The following PIK3R4 variants were observed in gnomAD, a reference collection of about 807,000 sequenced individuals.
PIK3R4 encodes the protein phosphoinositide 3-kinase regulatory subunit 4.
PIK3R4 carries 46 observed loss-of-function variants against 136.5 expected under a neutral mutation model. The ratio of observed to expected loss-of-function variants is 0.34; its 90% CI spans 0.27 to 0.43. PIK3R4 has a LOEUF of 0.43. Among genes scored for constraint, PIK3R4 ranks in the 20% least tolerant of loss-of-function variants. The pLI, the probability that PIK3R4 is intolerant of heterozygous loss-of-function variation, is 1.00. For synonymous variants in PIK3R4, 557 were observed against 566.7 expected (o/e 0.98, Z 0.24); for missense variants, 1,331 against 1,649.5 (o/e 0.81, Z 3.35).
At chr3:130,716,288 T>G in intron 9 of PIK3R4, 108 bp downstream of exon 9, 1 of 836,584 alleles carries the variant, frequency 1.2e-6, no homozygotes, top group Non-Finnish European at 1.9e-6. Flanking sequence ...TTACTCATTT[T>G]TATGATGTAA....
At position 130,712,380 on chromosome 3, in the gene PIK3R4, A is replaced by C. The variant is rs973561982; in HGVS notation, c.2332-3888T>G. On this transcript the variant is annotated intron_variant, in intron 9 of 19. Coordinates refer to ENST00000356763, the MANE Select transcript of PIK3R4 (RefSeq NM_014602.3). ...GCTCTGTAGCCCTGACATTAGAAACAAGGACTCGCCGGGCGAGGTGGCTCA... is the reference window on the plus strand; with the variant it reads ...GCTCTGTAGCCCTGACATTAGAAACCAGGACTCGCCGGGCGAGGTGGCTCA... Among the ~76,000 whole-genome samples, 3 of 152,062 alleles carry C rather than the reference A, an allele frequency of 2.0e-5. No homozygotes were observed. In the South Asian group the frequency reaches 6.2e-4, roughly 32 times the overall value.
intron 2 of PIK3R4, among the ~76,000 whole-genome samples, chr3:130,736,663 C>CT (rs1045150168): frequency 9.3e-5 from 14 of 150,920 alleles, no homozygotes; most frequent in Non-Finnish European, 2.1e-4. Context: ...AAACAAGAAA[C>CT]TTTTTTTTTC....
At chr3:130,691,072 T>A (rs559783018) in intron 13 of PIK3R4, among the ~76,000 whole-genome samples, 2 of 152,160 alleles carry the variant, frequency 1.3e-5, no homozygotes, top group East Asian at 3.9e-4. Context: ...CCTGGCTAAT[T>A]TTTTGTAGAG....
chr3:130,708,404 T>C lies in PIK3R4; in HGVS notation c.2420A>G (p.Gln807Arg). ...CTGACTACTATCATGAAGATGGCTC[T>C]GGTCCACTATATTGGCCTTTGCTTT... ...SNKAKANIVD[Q>R]SHLHDSSQKG... Residue 807 changes from glutamine (Q) to arginine (R), a missense_variant, in exon 10 of 20, where the codon CAG (glutamine) becomes CGG (arginine). Around this residue, in one of 2 missense-constraint regions of PIK3R4, gnomAD observed 1,180 missense variants for 1,407.0 expected, o/e 0.84. Coordinates refer to ENST00000356763, the MANE Select transcript of PIK3R4 (RefSeq NM_014602.3). The C allele has an allele frequency of 6.2e-7, 1 of 1,613,832 alleles. No homozygotes were observed. The highest frequency in any genetic ancestry group is 8.5e-7 in the Non-Finnish European group (1 of 1,179,754).
At position 130,716,405 on chromosome 3, in the gene PIK3R4, C is replaced by G; in HGVS notation, c.2322G>C (p.Leu774Phe). The change falls in exon 9 of 20, where the codon TTG becomes TTC. Residue 774 changes from leucine (L) to phenylalanine (F), a missense_variant. This residue lies in a region of PIK3R4 where 1,180 missense variants were observed against 1,407.0 expected (regional missense o/e 0.84). Coordinates refer to ENST00000356763, the MANE Select transcript of PIK3R4 (RefSeq NM_014602.3). ...DPAIAQLLKK[L>F]LSQGMTEEEE... ...GGAAGGGTGATACAACCTGTGAGAG[C>G]AACTTCTTCAGAAGCTGTGCTATGG... The G allele has an allele frequency of 6.2e-7, 1 of 1,613,834 alleles. No individual in the cohort carries two copies. The highest frequency in any genetic ancestry group is 1.3e-5 in the African/African-American group (1 of 75,060).
At chr3:130,714,293 T>C (rs1157692842) in intron 9 of PIK3R4, among the ~76,000 whole-genome samples, 1 of 152,226 alleles carries the variant, frequency 6.6e-6, no homozygotes, top group Non-Finnish European at 1.5e-5. Flanking sequence ...AGAGCATATA[T>C]TCAGCGACTG....
rs767261412 is a variant in PIK3R4, at chr3:130,744,556, C to T, written c.663G>A (p.Pro221=). The change falls in exon 2 of 20, where the codon CCG becomes CCA. Residue 221 remains proline, a synonymous_variant. Transcript: ENST00000356763. ...TCTGATTGCTATTTAAGTCTACAAG[C>T]GGAGTTGAAGGATCTCTCATATATT... The part of the protein sequence containing the change: ...ELEYMRDPST[P]LVDLNSNQRT... 1.7e-5 allele frequency: 27 copies of T among 1,614,036 alleles called. No homozygotes were observed. The East Asian group carries it at 1.8e-4, about 11-fold the overall frequency.
At chr3:130,685,875 T>G (rs1473745791) in intron 15 of PIK3R4, among the ~76,000 whole-genome samples, 1 of 152,066 alleles carries the variant, frequency 6.6e-6, no homozygotes, top group African/African-American at 2.4e-5. Context: ...CTGCCCAAAC[T>G]TGGATGCTAT....
At chr3:130,723,900 C>T (rs950934060) in intron 6 of PIK3R4, 1 of 202,798 alleles carries the variant, frequency 4.9e-6, no homozygotes, top group Non-Finnish European at 9.8e-6. Flanking sequence ...GAAGACAAGA[C>T]ATAGGCAAGC....
At chr3:130,727,262 C>T (rs1213913290) in intron 6 of PIK3R4, among the ~76,000 whole-genome samples, 1 of 151,930 alleles carries the variant, frequency 6.6e-6, no homozygotes, top group East Asian at 1.9e-4. Context: ...GCTCTTTCAC[C>T]CAGGCCTGAC....
rs2066664938 is a variant in PIK3R4 at position 130,716,429 on chromosome 3, G to A, written c.2298C>T (p.Ala766=). 1 of 1,614,074 alleles carries A rather than the reference G, an allele frequency of 6.2e-7. No homozygotes were observed. Among genetic ancestry groups the A allele is most frequent in the Non-Finnish European group, 8.5e-7 (1 of 1,180,020 alleles). The change falls in exon 9 of 20, where the codon GCC becomes GCT. Residue 766 remains alanine, a synonymous_variant. Coordinates refer to ENST00000356763, the MANE Select transcript of PIK3R4 (RefSeq NM_014602.3). ...LPDCPPPEDP[A]IAQLLKKLLS... Reference sequence around the variant, plus strand: ...GCAACTTCTTCAGAAGCTGTGCTATGGCAGGATCCTCTGGCGGAGGGCAGT... The same window carrying A: ...GCAACTTCTTCAGAAGCTGTGCTATAGCAGGATCCTCTGGCGGAGGGCAGT...
chr3:130,731,319 T>C (rs1045024011), intron 4 of PIK3R4, among the ~76,000 whole-genome samples: 1 of 152,206 alleles, frequency 6.6e-6, no homozygotes, highest in African/African-American at 2.4e-5. Flanking sequence ...TTTTCCTTGC[T>C]TTCCAACATC....
intron 13 of PIK3R4, 92 bp from the exon 14 acceptor site, chr3:130,690,746 T>C (rs1322148295): frequency 7.1e-6 from 5 of 708,908 alleles, no homozygotes; most frequent in Admixed American, 5.6e-5. Context: ...AATTATTACT[T>C]TGGGGTCCAT....
chr3:130,711,180 T>G (rs1438960178), intron 9 of PIK3R4, among the ~76,000 whole-genome samples: 1 of 151,970 alleles, frequency 6.6e-6, no homozygotes, highest in Non-Finnish European at 1.5e-5. Flanking sequence ...AGTTTTACCC[T>G]TCCACTTTAA....
chr3:130,716,495 A>G lies in PIK3R4; in HGVS notation c.2232T>C (p.His744=). The G allele has an allele frequency of 6.2e-7, 1 of 1,614,042 alleles. No homozygotes were observed. Among genetic ancestry groups the G allele is most frequent in the East Asian group, 2.2e-5 (1 of 44,878 alleles). ...RSKDITSLFR[H]LHMRQKKRNG... is the part of the protein sequence containing the mutation. Reference sequence around the variant, plus strand: ...TTCGTTTCTTCTGACGCATGTGAAGATGTCTGAACAAGCTAGTAATATCTT... The same window carrying G: ...TTCGTTTCTTCTGACGCATGTGAAGGTGTCTGAACAAGCTAGTAATATCTT... Residue 744 remains histidine (H), a synonymous_variant, in exon 9 of 20, where the codon CAT becomes CAC. Coordinates refer to ENST00000356763, the MANE Select transcript of PIK3R4 (RefSeq NM_014602.3).
In PIK3R4 at chr3:130,716,482, G is replaced by GATGTGAAGAA. The variant is rs778731608; in HGVS notation, c.2244_2245insTTCTTCACAT (p.Gln749PhefsTer53). 3.1e-6 allele frequency: 5 copies of GATGTGAAGAA among 1,614,008 alleles called. No homozygotes were observed. Among genetic ancestry groups the GATGTGAAGAA allele is most frequent in the African/African-American group, 1.3e-5 (1 of 75,036 alleles). On this transcript the variant is annotated frameshift_variant, in exon 9 of 20. Coordinates refer to ENST00000356763, the MANE Select transcript of PIK3R4 (RefSeq NM_014602.3). LOFTEE classifies it high-confidence loss of function. The stretch of plus-strand genomic sequence containing the variant: ...GGAAGAGAACCATTTCGTTTCTTCT[G>GATGTGAAGAA]ACGCATGTGAAGATGTCTGAACAAG...
At chr3:130,723,700 A>AGTGCAATGTTCTTTCCT in intron 6 of PIK3R4, 113 bp from the exon 7 acceptor site, 1 of 828,304 alleles carries the variant, frequency 1.2e-6, no homozygotes, top group South Asian at 2.0e-5. Flanking sequence ...TTACCTAGGA[A>AGTGCAATGTTCTTTCCT]AGAACATTGC....
At chr3:130,681,719 A>G (rs1576448864) in intron 16 of PIK3R4, 128 bp from the exon 17 acceptor site, 2 of 595,946 alleles carry the variant, frequency 3.4e-6, no homozygotes, top group East Asian at 5.7e-5. Flanking sequence ...GAGAGACAAT[A>G]TAATATTCAC....
chr3:130,687,228 A>C (rs989880254), intron 14 of PIK3R4, among the ~76,000 whole-genome samples: 5 of 152,150 alleles, frequency 3.3e-5, no homozygotes, highest in Non-Finnish European at 1.5e-5. Flanking sequence ...GCATGAGACA[A>C]AGTTTTAACT....
Sources: gnomAD v4.1 joint callset for allele counts (sites outside exome capture counted in the v4.1 genomes callset) on GRCh38, gnomAD v4.1.1 for gene constraint, gnomAD v4.1.1 regional missense constraint, MANE v1.5 for transcripts, NCBI Gene and HGNC (gene_info 2026-07-23, HGNC 2026-07-21) for gene names.